The following TRPM3 variants were observed in gnomAD, a reference collection of about 807,000 sequenced individuals.
The protein encoded by TRPM3 is long transient receptor potential channel 3.
Under a neutral mutation model 181.2 loss-of-function variants are expected in TRPM3, and 77 were observed. The ratio of observed to expected loss-of-function variants is 0.42; its 90% CI spans 0.35 to 0.51. The LOEUF is 0.51. Ranked by LOEUF, TRPM3 falls within the 20% of genes least tolerant of loss-of-function variation. The pLI is 0.01. For missense variants in TRPM3, 1,759 were observed against 2,196.7 expected (o/e 0.80, Z 3.98); for synonymous variants, 745 against 796.4 (o/e 0.94, Z 1.09).
At chr9:70,981,288 A>T (rs988783473) in intron 1 of TRPM3, among the ~76,000 whole-genome samples, 1 of 152,202 alleles carries the variant, frequency 6.6e-6, no homozygotes. Flanking sequence ...TAAAAGCATC[A>T]TTAGTGCGAT....
chr9:70,900,068 C>A (rs1376176931), intron 1 of TRPM3, among the ~76,000 whole-genome samples: 1 of 152,130 alleles, frequency 6.6e-6, no homozygotes, highest in Non-Finnish European at 1.5e-5. Flanking sequence ...AAAATAAATT[C>A]ATTGGAAAAG....
chr9:70,895,483 T>C (rs1382413511), intron 1 of TRPM3, among the ~76,000 whole-genome samples: 1 of 152,182 alleles, frequency 6.6e-6, no homozygotes, highest in Non-Finnish European at 1.5e-5. Context: ...ATTAGAATTG[T>C]CTAATACAAT....
At chr9:71,174,628 G>C (rs985138111) in intron 1 of TRPM3, among the ~76,000 whole-genome samples, 20 of 152,106 alleles carry the variant, frequency 1.3e-4, no homozygotes, top group African/African-American at 4.8e-4. Context: ...ATAGTTGAGT[G>C]TTGAAACTGG....
intron 6 of TRPM3, among the ~76,000 whole-genome samples, chr9:70,814,206 G>T (rs146768997): frequency 2.8e-4 from 42 of 152,306 alleles, no homozygotes; most frequent in African/African-American, 9.6e-4. Flanking sequence ...CAGTGGGGTG[G>T]AGTACAGAGA....
At chr9:70,883,240 C>T (rs1269219263) in intron 1 of TRPM3, among the ~76,000 whole-genome samples, 1 of 152,040 alleles carries the variant, frequency 6.6e-6, no homozygotes, top group Non-Finnish European at 1.5e-5. Context: ...GACTCAGGAG[C>T]AAAAAATCCA....
Position 70,654,649 on chromosome 9 carries a change from T to A in TRPM3, c.1346-13989A>T, listed in dbSNP as rs192348137. On this transcript the variant is annotated intron_variant, in intron 9 of 25. Transcript: ENST00000677713. ...AAACAAATAATCTAAGAATGAGGAGTAAACAAGGAGAATGACCCCTTTTTA... is the reference window on the plus strand; with the variant it reads ...AAACAAATAATCTAAGAATGAGGAGAAAACAAGGAGAATGACCCCTTTTTA... Among the ~76,000 whole-genome samples, 51 of 150,804 alleles carry A rather than the reference T, an allele frequency of 3.4e-4. No homozygotes were observed. The East Asian group carries it at 7.7e-3, about 23-fold the overall frequency.
chr9:71,078,296 G>A (rs2063750562), intron 1 of TRPM3, among the ~76,000 whole-genome samples: 1 of 151,852 alleles, frequency 6.6e-6, no homozygotes, highest in African/African-American at 2.4e-5. Context: ...TTTTCTCCTA[G>A]GTATAATTTT....
At chr9:71,374,455 G>C (rs1235064983) in intron 1 of TRPM3, among the ~76,000 whole-genome samples, 1 of 152,000 alleles carries the variant, frequency 6.6e-6, no homozygotes, top group Non-Finnish European at 1.5e-5. Context: ...CTCAAAGTAA[G>C]AAGAAGCATA....
intron 1 of TRPM3, among the ~76,000 whole-genome samples, chr9:71,149,369 C>T (rs1475121299): frequency 6.6e-6 from 1 of 152,134 alleles, no homozygotes; most frequent in African/African-American, 2.4e-5. Context: ...TGCTACTACA[C>T]TCCAGCCTGG....
intron 6 of TRPM3, among the ~76,000 whole-genome samples, chr9:70,796,436 C>T (rs2087048505): frequency 6.6e-6 from 1 of 152,138 alleles, no homozygotes; most frequent in Non-Finnish European, 1.5e-5. Context: ...TTCTACCTGT[C>T]CCAAATGCAA....
intron 1 of TRPM3, among the ~76,000 whole-genome samples, chr9:71,213,571 C>T (rs925497346): frequency 2.0e-5 from 3 of 152,054 alleles, no homozygotes; most frequent in East Asian, 1.9e-4. Context: ...AAATGGAAAA[C>T]ATCAGTACTT....
intron 1 of TRPM3, among the ~76,000 whole-genome samples, chr9:70,997,743 GT>G (rs1424943529): frequency 1.3e-5 from 2 of 152,108 alleles, no homozygotes; most frequent in Non-Finnish European, 2.9e-5. Flanking sequence ...AGCGTACAAG[GT>G]TCCTGGGTAT....
intron 1 of TRPM3, among the ~76,000 whole-genome samples, chr9:70,924,680 C>T (rs770147049): frequency 5.7e-4 from 86 of 152,114 alleles, no homozygotes; most frequent in Admixed American, 1.4e-3. Flanking sequence ...CAGGCCAGCT[C>T]GGTTTCTACC....
chr9:70,859,902 A>G (rs767046103), intron 3 of TRPM3, among the ~76,000 whole-genome samples: 4 of 152,316 alleles, frequency 2.6e-5, no homozygotes, highest in Non-Finnish European at 5.9e-5. Context: ...GTGGTGATCC[A>G]CAGACCACAG....
intron 1 of TRPM3, among the ~76,000 whole-genome samples, chr9:71,119,569 T>C (rs1256619991): frequency 3.9e-5 from 6 of 152,092 alleles, no homozygotes; most frequent in Admixed American, 3.9e-4. Flanking sequence ...TAATTAATCA[T>C]ATATGGAGAG....
intron 1 of TRPM3, among the ~76,000 whole-genome samples, chr9:70,991,406 C>T (rs1340747324): frequency 6.6e-6 from 1 of 152,104 alleles, no homozygotes; most frequent in African/African-American, 2.4e-5. Flanking sequence ...TAGTCACCAC[C>T]ATTCAAAATT....
chr9:70,883,198 C>A (rs2096025044), intron 1 of TRPM3, among the ~76,000 whole-genome samples: 1 of 152,164 alleles, frequency 6.6e-6, no homozygotes, highest in East Asian at 1.9e-4. Context: ...ATGGTCATAG[C>A]TGAATAGACC....
At chr9:70,876,314 C>CATATAT (rs35293338) in intron 1 of TRPM3, among the ~76,000 whole-genome samples, 2 of 148,156 alleles carry the variant, frequency 1.3e-5, no homozygotes, top group Non-Finnish European at 3.0e-5. Flanking sequence ...CATATATAGA[C>CATATAT]ATATATATAT....
At chr9:71,264,037 G>A (rs1186582759) in intron 1 of TRPM3, among the ~76,000 whole-genome samples, 1 of 152,162 alleles carries the variant, frequency 6.6e-6, no homozygotes, top group Non-Finnish European at 1.5e-5. Flanking sequence ...TCCTGCCTCT[G>A]TCTTCCAAAC....
Sources: gnomAD v4.1 joint callset for allele counts (sites outside exome capture counted in the v4.1 genomes callset) on GRCh38, gnomAD v4.1.1 for gene constraint, MANE v1.5 for transcripts, NCBI Gene and HGNC (gene_info 2026-07-23, HGNC 2026-07-21) for gene names.